The following GARNL3 variants were observed in gnomAD, a reference collection of about 807,000 sequenced individuals.
GARNL3 encodes GTPase-activating Rap/Ran-GAP domain-like protein 3.
In GARNL3, 63 loss-of-function variants were observed where a neutral mutation model predicts 125.0. That is an observed-to-expected ratio of 0.50 (90% CI 0.41 to 0.62). The LOEUF (loss-of-function observed/expected upper bound fraction) is 0.62, where lower values mean the gene tolerates loss of function less well. Among genes scored for constraint, GARNL3 ranks in the 20% least tolerant of loss-of-function variants. The pLI, the probability that GARNL3 is intolerant of heterozygous loss-of-function variation, is 0.00. For synonymous variants in GARNL3, 439 were observed against 457.5 expected (o/e 0.96, Z 0.52); for missense variants, 994 against 1,244.0 (o/e 0.80, Z 3.02).
At chr9:127,246,897 G>A (rs1366821695) in intron 2 of GARNL3, among the ~76,000 whole-genome samples, 1 of 147,314 alleles carries the variant, frequency 6.8e-6, no homozygotes, top group Non-Finnish European at 1.5e-5. Flanking sequence ...GAGAGAAGGT[G>A]AAATGGACCT....
chr9:127,278,200 T>C (rs1272118840), intron 1 of GARNL3, among the ~76,000 whole-genome samples: 2 of 152,218 alleles, frequency 1.3e-5, no homozygotes, highest in Non-Finnish European at 2.9e-5. Context: ...AAAATTAAAT[T>C]CATGTGTAAT....
chr9:127,308,707 T>A (rs2065019485), intron 2 of GARNL3, among the ~76,000 whole-genome samples: 1 of 152,210 alleles, frequency 6.6e-6, no homozygotes, highest in Admixed American at 6.5e-5. Context: ...ACTGACAACA[T>A]TAGAATACAG....
At chr9:127,235,651 G>GT (rs2063097543) in intron 1 of GARNL3, among the ~76,000 whole-genome samples, 2 of 140,176 alleles carry the variant, frequency 1.4e-5, no homozygotes, top group Admixed American at 6.8e-5. Context: ...TTGTTTTTTT[G>GT]TTTTTTTAAA....
chr9:127,224,939 TGGGCGGGGC>T (rs1208820955), intron 1 of GARNL3, among the ~76,000 whole-genome samples: 31 of 8,652 alleles, frequency 3.6e-3, no homozygotes, highest in African/African-American at 0.014. Context: ...GGGCGGGGCG[TGGGCGGGGC>T]CTGCTCCGGG....
In GARNL3 at chr9:127,339,739, T is replaced by C; in HGVS notation, c.1123T>C (p.Leu375=). 1 of 1,610,360 alleles carries C rather than the reference T, an allele frequency of 6.2e-7. No individual in the cohort carries two copies. The highest frequency in any genetic ancestry group is 8.5e-7 in the Non-Finnish European group (1 of 1,176,512). The change falls in exon 13 of 28, where the codon TTG becomes CTG. Residue 375 remains leucine, a synonymous_variant. Transcript: ENST00000373387. ...AGACCACCAGGAATTCAGGGACTTT[T>C]TGCTAGTGAAATGTAAGTTTCTGTT... is the stretch of plus-strand genomic sequence containing the variant. The part of the protein sequence containing the change: ...FTDHQEFRDF[L]LVKLINGEKA...
upstream of GARNL3, chr9:127,264,528 A>G (rs1319039283): frequency 5.0e-6 from 5 of 1,009,800 alleles, no homozygotes; most frequent in Middle Eastern, 4.8e-4. Context: ...TATGTTGCAT[A>G]TTTGGGACAA....
chr9:127,240,226 G>A (rs1340420790), intron 1 of GARNL3, among the ~76,000 whole-genome samples: 1 of 152,186 alleles, frequency 6.6e-6, no homozygotes, highest in Non-Finnish European at 1.5e-5. Context: ...GAAAGGGAGT[G>A]GGGTGGGGGG....
In GARNL3 at chr9:127,355,278, C is replaced by A; in HGVS notation, c.1760-19C>A. 6.2e-7 allele frequency: 1 copy of A among 1,611,394 alleles called. No individual in the cohort carries two copies. The highest frequency in any genetic ancestry group is 1.1e-5 in the South Asian group (1 of 90,948). On this transcript the variant is annotated intron_variant, in intron 19 of 27. Coordinates refer to ENST00000373387, the MANE Select transcript of GARNL3 (RefSeq NM_032293.5). ...CACCCGCATGTCATGTGTAAGGCAT[C>A]ATTTCTTTCTCCTCCCAGGCTGCCA...
At chr9:127,349,953 A>C (rs371530999) in intron 17 of GARNL3, among the ~76,000 whole-genome samples, 1 of 152,196 alleles carries the variant, frequency 6.6e-6, no homozygotes, top group African/African-American at 2.4e-5. Context: ...TACAACCTAT[A>C]CGTCCTCCCT....
exon 2 of GARNL3, chr9:127,243,216 C>T (rs375758040): frequency 5.3e-4 from 726 of 1,366,570 alleles, no homozygotes; most frequent in Non-Finnish European, 6.7e-4. Context: ...ACATGGCCAA[C>T]GAAAGACCCT....
At chr9:127,319,203 G>A (rs979780080) in intron 5 of GARNL3, among the ~76,000 whole-genome samples, 2 of 152,174 alleles carry the variant, frequency 1.3e-5, no homozygotes, top group Admixed American at 1.3e-4. Context: ...AAGGCACCAA[G>A]GCCGGGCGCA....
intron 1 of GARNL3, among the ~76,000 whole-genome samples, chr9:127,289,351 T>C (rs976962616): frequency 3.3e-5 from 5 of 152,160 alleles, no homozygotes; most frequent in African/African-American, 1.2e-4. Context: ...TCACTTATGA[T>C]TTATTACAAC....
intron 17 of GARNL3, 40 bp from the exon 18 acceptor site, chr9:127,353,806 G>A: frequency 7.4e-7 from 1 of 1,349,072 alleles, no homozygotes; most frequent in East Asian, 2.3e-5. Context: ...GAAAGCGTGG[G>A]CTGGGTTGCA....
intron 6 of GARNL3, among the ~76,000 whole-genome samples, chr9:127,322,690 TA>T (rs1308221854): frequency 1.3e-5 from 2 of 152,096 alleles, no homozygotes; most frequent in Non-Finnish European, 2.9e-5. Context: ...AGGCTTTAGG[TA>T]GAGAGGAAAG....
chr9:127,319,310 C>T (rs1423185446), intron 5 of GARNL3, among the ~76,000 whole-genome samples: 1 of 151,978 alleles, frequency 6.6e-6, no homozygotes, highest in African/African-American at 2.4e-5. Flanking sequence ...TAGTGAAACC[C>T]CGTCTCTACT....
At chr9:127,365,555 A>T (rs1485008391) in intron 22 of GARNL3, among the ~76,000 whole-genome samples, 189 bp downstream of exon 22, 1 of 152,112 alleles carries the variant, frequency 6.6e-6, no homozygotes, top group Non-Finnish European at 1.5e-5. Context: ...CCTCTTGGTG[A>T]CACAGTGCAA....
intron 1 of GARNL3, among the ~76,000 whole-genome samples, chr9:127,282,583 T>C (rs1455835894): frequency 6.6e-6 from 1 of 152,148 alleles, no homozygotes; most frequent in African/African-American, 2.4e-5. Context: ...CCAAAACCCA[T>C]ACTCATAAGC....
At chr9:127,285,767 G>T (rs999100854) in intron 1 of GARNL3, among the ~76,000 whole-genome samples, 2 of 152,072 alleles carry the variant, frequency 1.3e-5, no homozygotes, top group Non-Finnish European at 2.9e-5. Context: ...TTTATTTGAT[G>T]TCTTTTTCTC....
upstream of GARNL3, chr9:127,264,689 A>G (rs890314014): frequency 9.0e-6 from 11 of 1,217,410 alleles, no homozygotes; most frequent in East Asian, 3.3e-4. Context: ...TCGATTCCAA[A>G]TGACTAAATA....
Sources: gnomAD v4.1 joint callset for allele counts (sites outside exome capture counted in the v4.1 genomes callset) on GRCh38, gnomAD v4.1.1 for gene constraint, MANE v1.5 for transcripts, NCBI Gene and HGNC (gene_info 2026-07-23, HGNC 2026-07-21) for gene names.